Variants in ERBB4 observed in about 807,000 individuals in gnomAD.
ERBB4 encodes the protein receptor tyrosine-protein kinase erbB-4.
A neutral mutation model predicts 158.0 loss-of-function variants in ERBB4; 42 were observed. The ratio of observed to expected loss-of-function variants is 0.27; its 90% CI spans 0.21 to 0.34. ERBB4 has a LOEUF of 0.34. ERBB4 is among the 10% of genes least tolerant of loss of function. The pLI, the probability that ERBB4 is intolerant of heterozygous loss-of-function variation, is 1.00. For missense variants in ERBB4, 1,333 were observed against 1,624.1 expected (o/e 0.82, Z 3.08); for synonymous variants, 583 against 558.7 (o/e 1.04, Z -0.61).
At chr2:211,635,939 A>C (rs927714939) in intron 16 of ERBB4, among the ~76,000 whole-genome samples, 7 of 152,076 alleles carry the variant, frequency 4.6e-5, no homozygotes, top group Non-Finnish European at 1.0e-4. Flanking sequence ...CTGATGGTAT[A>C]CTTGCAATTC....
chr2:211,839,283 C>T lies in ERBB4; in HGVS notation c.422-51124G>A, dbSNP rs538554313. ...AGAAAGACCTAATTGTCACCCTTCA[C>T]GCTCATATTTCTCTTCTGTGCCTTA... On this transcript the variant is annotated intron_variant, in intron 3 of 27. Coordinates refer to ENST00000342788, the MANE Select transcript of ERBB4 (RefSeq NM_005235.3). 8.2e-4 allele frequency among the ~76,000 whole-genome samples: 125 copies of T among 151,818 alleles called. 1 individual carries two copies. The Middle Eastern group carries it at 0.014, about 17-fold the overall frequency.
chr2:212,025,641 A>G (rs1009981774), intron 2 of ERBB4, among the ~76,000 whole-genome samples: 1 of 151,730 alleles, frequency 6.6e-6, no homozygotes, highest in East Asian at 1.9e-4. Flanking sequence ...ATATCATAAG[A>G]CTTAATATAT....
At chr2:212,425,820 A>T (rs2091901071) in intron 1 of ERBB4, among the ~76,000 whole-genome samples, 1 of 151,924 alleles carries the variant, frequency 6.6e-6, no homozygotes, top group South Asian at 2.1e-4. Context: ...GGTATCCATC[A>T]TTCTTACCCA....
At chr2:211,489,026 GA>G (rs1384184837) in intron 20 of ERBB4, among the ~76,000 whole-genome samples, 1 of 151,954 alleles carries the variant, frequency 6.6e-6, no homozygotes, top group Non-Finnish European at 1.5e-5. Context: ...TTTATGGCTA[GA>G]AAGAAACAAA....
chr2:212,253,754 C>A (rs2084625338), intron 1 of ERBB4, among the ~76,000 whole-genome samples: 1 of 152,132 alleles, frequency 6.6e-6, no homozygotes, highest in South Asian at 2.1e-4. Flanking sequence ...TAAGTAAAGT[C>A]ATATGCCAGT....
intron 1 of ERBB4, among the ~76,000 whole-genome samples, chr2:212,477,878 A>G (rs1329166055): frequency 1.3e-5 from 2 of 152,120 alleles, no homozygotes; most frequent in Admixed American, 6.6e-5. Context: ...ACAGATAATG[A>G]TTCTCTGGCA....
intron 15 of ERBB4, among the ~76,000 whole-genome samples, chr2:211,664,331 G>C (rs977319209): frequency 1.4e-5 from 2 of 141,092 alleles, no homozygotes; most frequent in Non-Finnish European, 3.0e-5. Context: ...CTACAAATGT[G>C]TGTGTGTGTG....
In ERBB4 at chr2:211,443,604, T is replaced by G. The variant is rs978500316; in HGVS notation, c.2488-12504A>C. Among the ~76,000 whole-genome samples the G allele has an allele frequency of 4.6e-5, 7 of 152,030 alleles. No individual in the cohort carries two copies. In the South Asian group the frequency reaches 1.5e-3, roughly 32 times the overall value. The stretch of plus-strand genomic sequence containing the variant: ...CATAAAAACAGTTCTAAAGGGTCAT[T>G]TTTAACCCATTCCTGTTTATCATTG... On this transcript the variant is annotated intron_variant, in intron 20 of 27. Transcript: ENST00000342788.
At chr2:211,842,628 A>G (rs896179008) in intron 3 of ERBB4, among the ~76,000 whole-genome samples, 1 of 151,984 alleles carries the variant, frequency 6.6e-6, no homozygotes, top group African/African-American at 2.4e-5. Context: ...TAAACATTTT[A>G]TTTTGTTAAG....
chr2:212,423,221 T>C (rs1053777047), intron 1 of ERBB4, among the ~76,000 whole-genome samples: 5 of 151,918 alleles, frequency 3.3e-5, no homozygotes, highest in African/African-American at 2.4e-5. Context: ...TCAGCATACA[T>C]AGAGGAACAA....
intron 1 of ERBB4, among the ~76,000 whole-genome samples, chr2:212,487,738 G>A (rs1428026232): frequency 6.6e-6 from 1 of 151,944 alleles, no homozygotes; most frequent in East Asian, 1.9e-4. Flanking sequence ...GCATAAAAGA[G>A]GAGCACCAAA....
intron 1 of ERBB4, among the ~76,000 whole-genome samples, chr2:212,506,270 A>C (rs562254587): frequency 6.7e-6 from 1 of 148,896 alleles, no homozygotes; most frequent in African/African-American, 2.4e-5. Flanking sequence ...TGGGTTTCCC[A>C]ATTCCCTGAG....
intron 3 of ERBB4, among the ~76,000 whole-genome samples, chr2:211,792,961 C>T (rs2076308291): frequency 6.6e-6 from 1 of 151,840 alleles, no homozygotes; most frequent in Non-Finnish European, 1.5e-5. Context: ...TATATTATCT[C>T]CAAAACTATG....
At chr2:211,970,323 G>A (rs890007212) in intron 2 of ERBB4, among the ~76,000 whole-genome samples, 2 of 152,098 alleles carry the variant, frequency 1.3e-5, no homozygotes, top group African/African-American at 4.8e-5. Flanking sequence ...CAATTTTAGA[G>A]TAATTGCCAT....
intron 2 of ERBB4, among the ~76,000 whole-genome samples, chr2:212,094,546 A>G (rs2078871333): frequency 6.6e-6 from 1 of 151,374 alleles, no homozygotes; most frequent in Non-Finnish European, 1.5e-5. Context: ...GCATGGCTAC[A>G]GTTAAATAAA....
At chr2:212,190,561 A>AGAG (rs1476393893) in intron 1 of ERBB4, among the ~76,000 whole-genome samples, 12 of 151,276 alleles carry the variant, frequency 7.9e-5, no homozygotes, top group Non-Finnish European at 1.3e-4. Context: ...AAGAAGAAGA[A>AGAG]GAAGAACTGG....
chr2:211,946,650 G>A (rs997320120), intron 3 of ERBB4, among the ~76,000 whole-genome samples: 11 of 132,676 alleles, frequency 8.3e-5, no homozygotes, highest in African/African-American at 1.5e-4. Context: ...GAGCAATGGT[G>A]CGATCTCAAT....
At chr2:211,579,558 T>A (rs1475931900) in intron 19 of ERBB4, among the ~76,000 whole-genome samples, 1 of 152,072 alleles carries the variant, frequency 6.6e-6, no homozygotes, top group African/African-American at 2.4e-5. Flanking sequence ...CAAATGCCTA[T>A]CAATGATAGA....
At chr2:212,340,512 G>C (rs2088657497) in intron 1 of ERBB4, among the ~76,000 whole-genome samples, 2 of 152,168 alleles carry the variant, frequency 1.3e-5, no homozygotes, top group South Asian at 2.1e-4. Flanking sequence ...GGTGATGATA[G>C]ACAATGACAG....
Sources: allele counts gnomAD v4.1 joint callset (sites outside exome capture counted in the v4.1 genomes callset), GRCh38; gene constraint gnomAD v4.1.1; transcripts MANE v1.5; gene names NCBI Gene and HGNC (gene_info 2026-07-23, HGNC 2026-07-21).